GNAQ: variants seen among roughly 807,000 people sequenced by gnomAD.
The protein encoded by GNAQ is G protein subunit alpha q, also known as guanine nucleotide-binding protein G(q) subunit alpha.
GNAQ carries 8 observed loss-of-function variants against 43.9 expected under a neutral mutation model. The ratio of observed to expected loss-of-function variants is 0.18; its 90% CI spans 0.11 to 0.33. The LOEUF (loss-of-function observed/expected upper bound fraction) is 0.33. GNAQ is among the 10% of genes least tolerant of loss of function. The pLI, the probability that GNAQ is intolerant of heterozygous loss-of-function variation, is 1.00. For missense variants in GNAQ, 158 were observed against 450.8 expected (o/e 0.35, Z 5.88); for synonymous variants, 155 against 170.7 (o/e 0.91, Z 0.71).
In GNAQ at chr9:77,971,253, G is replaced by C. The variant is rs1050133329; in HGVS notation, c.137-48908C>G. ...GAAACTATTTCAATCAACAGAAAAA[G>C]AGGGAATCCACCCGAACTCATTTTA... On this transcript the variant is annotated intron_variant, in intron 1 of 6. Transcript: ENST00000286548. Among the ~76,000 whole-genome samples, 6 of 152,302 alleles carry C rather than the reference G, an allele frequency of 3.9e-5. No homozygotes were observed. The East Asian group carries it at 5.8e-4, about 15-fold the overall frequency.
At chr9:77,735,573 C>T (rs1022393422) in intron 5 of GNAQ, among the ~76,000 whole-genome samples, 1 of 152,192 alleles carries the variant, frequency 6.6e-6, no homozygotes, top group Non-Finnish European at 1.5e-5. Context: ...GAAAAGCTTG[C>T]TGTGTCTGAC....
chr9:77,774,257 T>C (rs1416278395), intron 5 of GNAQ, among the ~76,000 whole-genome samples: 2 of 152,234 alleles, frequency 1.3e-5, no homozygotes, highest in Non-Finnish European at 2.9e-5. Context: ...TTAATTTGTA[T>C]TACTTCTAAA....
intron 5 of GNAQ, among the ~76,000 whole-genome samples, chr9:77,744,467 A>AT (rs1825700964): frequency 6.6e-6 from 1 of 152,192 alleles, no homozygotes; most frequent in African/African-American, 2.4e-5. Context: ...GTGTAATTAC[A>AT]TAGCCATGTG....
At chr9:78,019,588 T>C (rs1010756829) in intron 1 of GNAQ, among the ~76,000 whole-genome samples, 4 of 152,202 alleles carry the variant, frequency 2.6e-5, no homozygotes, top group Non-Finnish European at 5.9e-5. Context: ...AACCAAAACA[T>C]ATGCAGCTTC....
intron 2 of GNAQ, among the ~76,000 whole-genome samples, chr9:77,889,124 T>C (rs1002260671): frequency 3.9e-5 from 6 of 152,020 alleles, no homozygotes; most frequent in Non-Finnish European, 8.8e-5. Flanking sequence ...AAAAATTCCT[T>C]AATCCTGAGG....
chr9:78,015,965 T>G (rs1221712594), intron 1 of GNAQ, among the ~76,000 whole-genome samples: 2 of 151,588 alleles, frequency 1.3e-5, no homozygotes, highest in Non-Finnish European at 2.9e-5. Flanking sequence ...GTAATAAAGA[T>G]AAGAAAAATT....
intron 1 of GNAQ, among the ~76,000 whole-genome samples, chr9:77,946,477 T>G (rs538166347): frequency 6.6e-6 from 1 of 152,010 alleles, no homozygotes; most frequent in Non-Finnish European, 1.5e-5. Flanking sequence ...CAAAGGAAAC[T>G]CCATCAAAAG....
chr9:77,751,573 T>TG (rs1014093174), intron 5 of GNAQ, among the ~76,000 whole-genome samples: 9 of 151,696 alleles, frequency 5.9e-5, no homozygotes, highest in African/African-American at 2.2e-4. Flanking sequence ...TATAATGGGG[T>TG]GGGTAGGTGG....
At chr9:77,967,307 C>T (rs4097404) in intron 1 of GNAQ, among the ~76,000 whole-genome samples, 13,438 of 152,178 alleles carry the variant, frequency 0.088, 825 homozygotes, top group East Asian at 0.24. Flanking sequence ...GTGCTTTTAA[C>T]ATTATAAAAT....
intron 5 of GNAQ, among the ~76,000 whole-genome samples, chr9:77,743,847 C>T (rs1210284380): frequency 6.6e-6 from 1 of 152,080 alleles, no homozygotes; most frequent in Non-Finnish European, 1.5e-5. Flanking sequence ...TGCTCCTGGT[C>T]TAACTCTCAG....
intron 1 of GNAQ, among the ~76,000 whole-genome samples, chr9:77,947,688 T>C (rs1822921170): frequency 6.6e-6 from 1 of 152,228 alleles, no homozygotes; most frequent in Non-Finnish European, 1.5e-5. Context: ...GAACAGTGCT[T>C]CTGAAGCTTG....
intron 2 of GNAQ, among the ~76,000 whole-genome samples, chr9:77,836,136 G>A (rs1827380343): frequency 6.6e-6 from 1 of 152,006 alleles, no homozygotes; most frequent in Non-Finnish European, 1.5e-5. Context: ...TGGACTGGAT[G>A]GAAGTCAGCG....
chr9:78,007,895 T>C (rs754392167), intron 1 of GNAQ, among the ~76,000 whole-genome samples: 1 of 152,156 alleles, frequency 6.6e-6, no homozygotes, highest in Non-Finnish European at 1.5e-5. Context: ...AGATGGTGTA[T>C]CCCCACTGTA....
intron 2 of GNAQ, among the ~76,000 whole-genome samples, chr9:77,816,167 CATATA>C (rs576647335): frequency 1.3e-5 from 2 of 152,068 alleles, no homozygotes; most frequent in African/African-American, 4.8e-5. Context: ...TATAATCAAA[CATATA>C]ATATAGCCAG....
intron 1 of GNAQ, among the ~76,000 whole-genome samples, chr9:77,987,276 T>C (rs1564171408): frequency 6.6e-6 from 1 of 152,168 alleles, no homozygotes; most frequent in Admixed American, 6.5e-5. Context: ...TGCAGAGTCA[T>C]TGGCACATGA....
intron 1 of GNAQ, among the ~76,000 whole-genome samples, chr9:77,986,450 A>G (rs763023925): frequency 6.6e-6 from 1 of 152,188 alleles, no homozygotes; most frequent in Non-Finnish European, 1.5e-5. Flanking sequence ...TTTCTAAGAG[A>G]GGTCTACCCT....
chr9:77,746,551 A>G (rs569218796), intron 5 of GNAQ, among the ~76,000 whole-genome samples: 1 of 152,348 alleles, frequency 6.6e-6, no homozygotes, highest in East Asian at 1.9e-4. Flanking sequence ...AGATATACAC[A>G]CACAAAGAAA....
intron 1 of GNAQ, among the ~76,000 whole-genome samples, chr9:77,964,048 G>T (rs1468326912): frequency 2.0e-5 from 3 of 152,088 alleles, no homozygotes; most frequent in Non-Finnish European, 4.4e-5. Context: ...GAACGTGATG[G>T]GGCTTATGTT....
chr9:77,777,904 T>C (rs1484588797), intron 5 of GNAQ, among the ~76,000 whole-genome samples: 1 of 152,024 alleles, frequency 6.6e-6, no homozygotes, highest in Non-Finnish European at 1.5e-5. Flanking sequence ...AAGAACAGTT[T>C]GGTATGTCCT....
Sources: allele counts gnomAD v4.1 joint callset (sites outside exome capture counted in the v4.1 genomes callset), GRCh38; gene constraint gnomAD v4.1.1; transcripts MANE v1.5; gene names NCBI Gene and HGNC (gene_info 2026-07-23, HGNC 2026-07-21).